The following YPEL2 variants were observed in gnomAD, a reference collection of about 807,000 sequenced individuals.
YPEL2 encodes yippee like 2.
Under a neutral mutation model 19.1 loss-of-function variants are expected in YPEL2, and 2 were observed. The observed-to-expected ratio is 0.10, with a 90% CI of 0.04 to 0.33. The LOEUF is 0.33. Among genes scored for constraint, YPEL2 ranks in the 10% least tolerant of loss-of-function variants. The pLI is 1.00. For missense variants in YPEL2, 66 were observed against 140.7 expected (o/e 0.47, Z 2.68); for synonymous variants, 52 against 50.0 (o/e 1.04, Z -0.17).
intron 2 of YPEL2, among the ~76,000 whole-genome samples, chr17:59,373,153 T>G (rs1020475056): frequency 2.6e-5 from 4 of 152,226 alleles, no homozygotes; most frequent in African/African-American, 9.6e-5. Flanking sequence ...AGGCGTGAGC[T>G]GCTGTGCCCA....
chr17:59,337,210 C>T (rs1272946726), intron 1 of YPEL2, among the ~76,000 whole-genome samples: 52 of 137,212 alleles, frequency 3.8e-4, no homozygotes, highest in African/African-American at 1.4e-3. Context: ...TTGTTTGAGA[C>T]GGAGTCTCGC....
intron 2 of YPEL2, among the ~76,000 whole-genome samples, chr17:59,381,053 T>C (rs1027233999): frequency 1.3e-5 from 2 of 152,252 alleles, no homozygotes; most frequent in Non-Finnish European, 2.9e-5. Context: ...TTTTACTTTG[T>C]GCTTCATTGA....
chr17:59,349,362 T>TTTC (rs1270579300), intron 1 of YPEL2, among the ~76,000 whole-genome samples: 3 of 142,780 alleles, frequency 2.1e-5, no homozygotes, highest in African/African-American at 7.8e-5. Context: ...TTTTTTCTTT[T>TTTC]TTTTTTTTTT....
chr17:59,389,119 ACT>A (rs1952485394), intron 3 of YPEL2: 2 of 516,248 alleles, frequency 3.9e-6, no homozygotes, highest in Admixed American at 3.1e-5. Flanking sequence ...TTTTAAGCAA[ACT>A]CTCAACCATA....
intron 2 of YPEL2, chr17:59,366,128 G>T (rs980637315): frequency 1.4e-5 from 2 of 146,296 alleles, no homozygotes; most frequent in African/African-American, 2.6e-5. Flanking sequence ...TGACCTTAGC[G>T]TCCCAGCAGA....
intron 1 of YPEL2, among the ~76,000 whole-genome samples, chr17:59,348,747 G>A (rs1009275218): frequency 6.6e-6 from 1 of 152,060 alleles, no homozygotes; most frequent in African/African-American, 2.4e-5. Context: ...GATGACTGTT[G>A]GAAATCAATT....
chr17:59,389,529 C>A, intron 4 of YPEL2, 61 bp downstream of exon 4: 2 of 1,333,698 alleles, frequency 1.5e-6, no homozygotes, highest in East Asian at 2.3e-5. Context: ...AGCCTTATGC[C>A]AGAACACTTT....
chr17:59,364,535 G>T (rs1006653704), intron 2 of YPEL2, among the ~76,000 whole-genome samples: 1 of 151,846 alleles, frequency 6.6e-6, no homozygotes, highest in African/African-American at 2.4e-5. Context: ...TAACATAGCA[G>T]CTCGTGGTAT....
At chr17:59,346,908 A>T (rs2047758986) in intron 1 of YPEL2, among the ~76,000 whole-genome samples, 1 of 152,170 alleles carries the variant, frequency 6.6e-6, no homozygotes, top group Non-Finnish European at 1.5e-5. Context: ...GTAAAGTGCA[A>T]GCGTGGTGTA....
intron 2 of YPEL2, among the ~76,000 whole-genome samples, chr17:59,381,597 C>G (rs748467258): frequency 6.6e-6 from 1 of 152,138 alleles, no homozygotes; most frequent in East Asian, 1.9e-4. Flanking sequence ...TCCAGACTTG[C>G]AAAGGGGCCC....
At chr17:59,381,670 C>T (rs114323634) in intron 2 of YPEL2, among the ~76,000 whole-genome samples, 1 of 152,274 alleles carries the variant, frequency 6.6e-6, no homozygotes, top group African/African-American at 2.4e-5. Context: ...TTTGAGCTGG[C>T]TGGAAGGGCT....
At chr17:59,382,416 G>A (rs115453625) in intron 2 of YPEL2, among the ~76,000 whole-genome samples, 1,588 of 152,288 alleles carry the variant, frequency 0.01, 25 homozygotes, top group African/African-American at 0.036. Context: ...TCTGTGTCAG[G>A]CCAGAGAAAG....
intron 4 of YPEL2, among the ~76,000 whole-genome samples, chr17:59,393,882 G>A (rs867326415): frequency 7.9e-5 from 12 of 152,120 alleles, no homozygotes; most frequent in Admixed American, 5.9e-4. Context: ...TCTTAGTACA[G>A]AACAAAATGA....
At chr17:59,383,452 G>T (rs968285370) in intron 2 of YPEL2, among the ~76,000 whole-genome samples, 7 of 149,720 alleles carry the variant, frequency 4.7e-5, no homozygotes, top group African/African-American at 1.5e-4. Flanking sequence ...CAAAAAATTA[G>T]CTGGGCGTGG....
At chr17:59,333,530 C>A (rs1345254790) in intron 1 of YPEL2, among the ~76,000 whole-genome samples, 1 of 152,186 alleles carries the variant, frequency 6.6e-6, no homozygotes, top group Non-Finnish European at 1.5e-5. Context: ...GGGACCTGCA[C>A]TGCATACAGG....
intron 1 of YPEL2, among the ~76,000 whole-genome samples, chr17:59,336,785 CTTAATA>C (rs2047700619): frequency 6.6e-6 from 1 of 152,114 alleles, no homozygotes; most frequent in Admixed American, 6.5e-5. Context: ...AGGAGGACTT[CTTAATA>C]TAAGTAAGTA....
intron 2 of YPEL2, among the ~76,000 whole-genome samples, chr17:59,356,786 T>G (rs1440417936): frequency 2.6e-5 from 4 of 152,206 alleles, no homozygotes; most frequent in African/African-American, 9.7e-5. Context: ...GCTTTCTGGT[T>G]CACAGACAGC....
intron 2 of YPEL2, among the ~76,000 whole-genome samples, chr17:59,370,355 G>A (rs1048223959): frequency 2.6e-5 from 4 of 152,152 alleles, no homozygotes; most frequent in African/African-American, 7.2e-5. Context: ...GAGCCACTGC[G>A]CCCAGCCAGA....
At chr17:59,342,045 A>T (rs2047734124) in intron 1 of YPEL2, among the ~76,000 whole-genome samples, 1 of 152,220 alleles carries the variant, frequency 6.6e-6, no homozygotes, top group Non-Finnish European at 1.5e-5. Flanking sequence ...TTCAATTTCC[A>T]AATTCCAATT....
Sources: gnomAD v4.1 joint callset for allele counts (sites outside exome capture counted in the v4.1 genomes callset) on GRCh38, gnomAD v4.1.1 for gene constraint, MANE v1.5 for transcripts, NCBI Gene and HGNC (gene_info 2026-07-23, HGNC 2026-07-21) for gene names.